Variants in ANKRD11 observed in about 807,000 individuals in gnomAD.
ANKRD11 encodes ankyrin repeat domain-containing protein 11.
A neutral mutation model predicts 195.7 loss-of-function variants in ANKRD11; 17 were observed. That is an observed-to-expected ratio of 0.09 (90% CI 0.06 to 0.13). The LOEUF (loss-of-function observed/expected upper bound fraction) is 0.13. Ranked by LOEUF, ANKRD11 falls within the 10% of genes least tolerant of loss-of-function variation. The pLI is 1.00. For synonymous variants in ANKRD11, 1,953 were observed against 1,528.1 expected (o/e 1.28, Z -6.49); for missense variants, 3,735 against 3,566.1 (o/e 1.05, Z -1.21).
rs1469330679 is a variant in ANKRD11, at chr16:89,291,448, C to T, written c.227-265G>A. On this transcript the variant is annotated intron_variant, in intron 4 of 12. Coordinates refer to ENST00000301030, the MANE Select transcript of ANKRD11 (RefSeq NM_013275.6). This position sits in a 1 kb window ranked among gnomAD's most constrained non-coding sequence, Gnocchi z 5.3. ...CTAAGCCTGGGCCTCCACCGAGCAT[C>T]CACTCACTCCAGGCACCTCTCCTGG... is the stretch of plus-strand genomic sequence containing the variant. 6.6e-6 allele frequency among the ~76,000 whole-genome samples: 1 copy of T among 152,184 alleles called. No homozygotes were observed. The highest frequency in any genetic ancestry group is 2.4e-5 in the African/African-American group (1 of 41,458).
chr16:89,402,890 G>C (rs1443184993), intron 2 of ANKRD11, among the ~76,000 whole-genome samples: 1 of 151,988 alleles, frequency 6.6e-6, no homozygotes, highest in East Asian at 1.9e-4. Flanking sequence ...CCGGGGGAAG[G>C]AGCCCCATCA....
chr16:89,275,038 T>C, intron 10 of ANKRD11, 55 bp downstream of exon 10: 2 of 1,612,846 alleles, frequency 1.2e-6, no homozygotes, highest in Non-Finnish European at 1.7e-6. Flanking sequence ...CCCTGGGGCC[T>C]GCGCCGTGAA....
At chr16:89,343,599 C>T (rs1239978797) in intron 2 of ANKRD11, 2 of 152,336 alleles carry the variant, frequency 1.3e-5, no homozygotes, top group African/African-American at 2.4e-5. Context: ...GAATTCACCT[C>T]GTTCAGAACC....
chr16:89,338,588 G>T (rs1218148282), intron 2 of ANKRD11, among the ~76,000 whole-genome samples: 2 of 151,808 alleles, frequency 1.3e-5, no homozygotes, highest in Non-Finnish European at 2.9e-5. Context: ...AGCTGGGCGT[G>T]GTGGCATGCA....
chr16:89,314,133 A>G (rs765806723), intron 3 of ANKRD11, among the ~76,000 whole-genome samples: 36 of 152,212 alleles, frequency 2.4e-4, no homozygotes, highest in Non-Finnish European at 4.0e-4. Context: ...CTGAAGTAGG[A>G]GGACTGCTTG....
rs200959508 is a variant in ANKRD11 at position 89,363,482 on chromosome 16, A to T, written c.-59-46404T>A. Reference sequence around the variant, plus strand: ...CTAAAAGTATAATAATAATAAAATTAAAAAAAAAAAAGATTCAGTCTTGCA... The same window carrying T: ...CTAAAAGTATAATAATAATAAAATTTAAAAAAAAAAAGATTCAGTCTTGCA... On this transcript the variant is annotated intron_variant, in intron 2 of 12. Transcript: ENST00000301030. 3.2e-3 allele frequency among the ~76,000 whole-genome samples: 85 copies of T among 26,320 alleles called. 1 individual carries two copies. Among genetic ancestry groups the T allele is most frequent in the Admixed American group, 0.021 (60 of 2,836 alleles). 17.3% of individuals were successfully genotyped at this position (26,320 alleles called of 152,430 possible).
chr16:89,405,253 G>A (rs1348274368), intron 2 of ANKRD11, among the ~76,000 whole-genome samples: 3 of 152,130 alleles, frequency 2.0e-5, no homozygotes, highest in Non-Finnish European at 2.9e-5. Context: ...GGTCTGTTGT[G>A]GAACAAAATG....
intron 1 of ANKRD11, among the ~76,000 whole-genome samples, chr16:89,474,528 T>G (rs1270370667): frequency 6.6e-6 from 1 of 151,756 alleles, no homozygotes; most frequent in East Asian, 1.9e-4. Context: ...AAAGAAAAGC[T>G]TTCATCCATG....
intron 2 of ANKRD11, among the ~76,000 whole-genome samples, chr16:89,412,773 A>G (rs1186439180): frequency 1.3e-5 from 2 of 152,186 alleles, no homozygotes; most frequent in East Asian, 3.8e-4. Flanking sequence ...CACTGGCCCC[A>G]TGAGAATCAC....
intron 1 of ANKRD11, among the ~76,000 whole-genome samples, chr16:89,466,772 CG>C (rs2056899747): frequency 6.6e-6 from 1 of 152,160 alleles, no homozygotes; most frequent in Non-Finnish European, 1.5e-5. Context: ...AAAGACAACT[CG>C]GTAGCAGCAA....
intron 2 of ANKRD11, chr16:89,339,974 T>C (rs2151992939): frequency 6.6e-6 from 1 of 152,336 alleles, no homozygotes; most frequent in Non-Finnish European, 1.5e-5. Flanking sequence ...GGGGTCTATC[T>C]GTGTGGATAC....
intron 1 of ANKRD11, among the ~76,000 whole-genome samples, chr16:89,453,528 TC>T (rs2056286404): frequency 6.6e-6 from 1 of 152,138 alleles, no homozygotes; most frequent in African/African-American, 2.4e-5. Flanking sequence ...TGCTAAGGTG[TC>T]CCCTAGGACA....
At position 89,281,375 on chromosome 16, in the gene ANKRD11, T is replaced by G. The variant is rs200482809; in HGVS notation, c.5167A>C (p.Arg1723=). ...PSYEEVMHTP[R]TPSCSADDYA... is the part of the protein sequence containing the mutation. ...TCATCGGCGCTGCAGGACGGGGTCC[T>G]GGGCGTGTGCATCACCTCCTCGTAG... Residue 1723 remains arginine (R), a synonymous_variant, in exon 9 of 13, where the codon AGG becomes CGG. Transcript: ENST00000301030. This position sits in a 1 kb window ranked among gnomAD's most constrained non-coding sequence, Gnocchi z 5.5. 143 of 1,609,752 alleles carry G rather than the reference T, an allele frequency of 8.9e-5. 2 individuals carry two copies. The South Asian group carries it at 1.5e-3, about 16-fold the overall frequency.
At chr16:89,489,729 G>A (rs1343795241) in intron 1 of ANKRD11, among the ~76,000 whole-genome samples, 3 of 147,804 alleles carry the variant, frequency 2.0e-5, no homozygotes, top group African/African-American at 7.5e-5. Context: ...AAGACCTGCA[G>A]GCCCGCCCCG....
chr16:89,435,510 G>A (rs1259700739), intron 1 of ANKRD11, among the ~76,000 whole-genome samples: 3 of 152,074 alleles, frequency 2.0e-5, no homozygotes, highest in African/African-American at 7.2e-5. Context: ...CTTCACTCCT[G>A]AAGTCAGCGA....
chr16:89,464,619 A>AAAAAG (rs1422652890), intron 1 of ANKRD11, among the ~76,000 whole-genome samples: 1 of 151,390 alleles, frequency 6.6e-6, no homozygotes. Flanking sequence ...AAAAAAAAAA[A>AAAAAG]AAAAGAAAAG....
chr16:89,283,812 C>T lies in ANKRD11; in HGVS notation c.2730G>A (p.Arg910=), dbSNP rs1567576292. ...TCTCAGAGTTTTTATCCAAATAGTC[C>T]CTGTCCTTCTTTCGGAAGAAGGGCT... is the stretch of plus-strand genomic sequence containing the variant. ...YREPFFRKKD[R]DYLDKNSEKR... The change falls in exon 9 of 13, where the codon AGG becomes AGA. Residue 910 remains arginine, a synonymous_variant. Coordinates refer to ENST00000301030, the MANE Select transcript of ANKRD11 (RefSeq NM_013275.6). This position sits in a 1 kb window ranked among gnomAD's most constrained non-coding sequence, Gnocchi z 4.3. 3.7e-6 allele frequency: 6 copies of T among 1,614,026 alleles called. No individual in the cohort carries two copies. Among genetic ancestry groups the T allele is most frequent in the East Asian group, 4.5e-5 (2 of 44,898 alleles).
At chr16:89,471,428 T>C (rs2152350894) in intron 1 of ANKRD11, among the ~76,000 whole-genome samples, 1 of 152,182 alleles carries the variant, frequency 6.6e-6, no homozygotes. Flanking sequence ...CAGGAAGTGA[T>C]TCTCTTTGCT....
intron 2 of ANKRD11, among the ~76,000 whole-genome samples, chr16:89,341,194 G>A (rs913352098): frequency 3.3e-5 from 5 of 152,290 alleles, no homozygotes; most frequent in East Asian, 3.9e-4. Flanking sequence ...AATGAGATGG[G>A]TGAGATCCGC....
Sources: allele counts gnomAD v4.1 joint callset (sites outside exome capture counted in the v4.1 genomes callset), GRCh38; gene constraint gnomAD v4.1.1; non-coding constraint Gnocchi (gnomAD v3.1); transcripts MANE v1.5; gene names NCBI Gene and HGNC (gene_info 2026-07-23, HGNC 2026-07-21).